Variants in LRMDA observed in about 807,000 individuals in gnomAD.
LRMDA encodes the protein leucine rich melanocyte differentiation associated.
A neutral mutation model predicts 29.8 loss-of-function variants in LRMDA; 18 were observed. The ratio of observed to expected loss-of-function variants is 0.60; its 90% CI spans 0.42 to 0.90. The LOEUF (loss-of-function observed/expected upper bound fraction) is 0.90, where lower values mean the gene tolerates loss of function less well. Among genes scored for constraint, LRMDA ranks in the 40% least tolerant of loss-of-function variants. LRMDA has a pLI of 0.00. For synonymous variants in LRMDA, 125 were observed against 109.4 expected (o/e 1.14, Z -0.89); for missense variants, 273 against 273.9 (o/e 1.00, Z 0.02).
intron 2 of LRMDA, among the ~76,000 whole-genome samples, chr10:76,035,354 T>C (rs1417277133): frequency 6.6e-6 from 1 of 152,000 alleles, no homozygotes; most frequent in Non-Finnish European, 1.5e-5. Context: ...GGAGTGATTA[T>C]GTAATTCTGC....
chr10:75,562,441 G>A (rs570198062), intron 2 of LRMDA, among the ~76,000 whole-genome samples: 9 of 152,106 alleles, frequency 5.9e-5, no homozygotes, highest in African/African-American at 2.2e-4. Flanking sequence ...ACGTGAGATG[G>A]GTTTCCTGAA....
chr10:75,928,534 A>G (rs1163747482), intron 2 of LRMDA, among the ~76,000 whole-genome samples: 1 of 152,238 alleles, frequency 6.6e-6, no homozygotes, highest in Non-Finnish European at 1.5e-5. Flanking sequence ...TATAAGGGCA[A>G]TGAAAGGGAG....
chr10:76,273,417 A>G (rs1474042491), intron 5 of LRMDA, among the ~76,000 whole-genome samples: 1 of 152,222 alleles, frequency 6.6e-6, no homozygotes, highest in Non-Finnish European at 1.5e-5. Flanking sequence ...TAGATGCTAA[A>G]GAATCATTGT....
intron 2 of LRMDA, among the ~76,000 whole-genome samples, chr10:75,848,782 G>A (rs1233911007): frequency 6.6e-6 from 1 of 152,262 alleles, no homozygotes; most frequent in South Asian, 2.1e-4. Context: ...AGCCACACCT[G>A]CATCACTCTT....
chr10:76,048,695 T>A (rs1382362090), intron 4 of LRMDA, among the ~76,000 whole-genome samples: 1 of 152,224 alleles, frequency 6.6e-6, no homozygotes, highest in Non-Finnish European at 1.5e-5. Context: ...GTGTTTCTGA[T>A]GTCCAGTTGG....
rs537640703 is a variant in LRMDA, at chr10:75,543,200, A to G, written c.131+104706A>G. On this transcript the variant is annotated intron_variant, in intron 2 of 6. Transcript: ENST00000611255. ...TTTGACGGATTGCTTTCCCGCAGTA[A>G]TGACTTAGGCATGTTCCCTCTCTCG... 2.1e-4 allele frequency among the ~76,000 whole-genome samples: 32 copies of G among 152,312 alleles called. 1 individual carries two copies. The highest frequency in any genetic ancestry group is 1.8e-3 in the Admixed American group (27 of 15,294).
chr10:76,426,866 T>C (rs1420270116), intron 6 of LRMDA, among the ~76,000 whole-genome samples: 2 of 152,220 alleles, frequency 1.3e-5, no homozygotes, highest in Non-Finnish European at 2.9e-5. Flanking sequence ...GGGAATCCTT[T>C]CCCCATTTCT....
chr10:75,544,669 G>A (rs373764756), intron 2 of LRMDA, among the ~76,000 whole-genome samples: 2 of 151,792 alleles, frequency 1.3e-5, no homozygotes, highest in East Asian at 3.9e-4. Context: ...CTTTTTTTGT[G>A]TGTGTTTAAA....
Position 75,866,299 on chromosome 10 carries a change from C to T in LRMDA, c.132-169709C>T, listed in dbSNP as rs536311682. ...AGAATTGTGGCACAGCAAGTGGGCT[C>T]ATCAAAGGTGTTTGTGGGAGATGGG... On this transcript the variant is annotated intron_variant, in intron 2 of 6. Coordinates refer to ENST00000611255, the MANE Select transcript of LRMDA (RefSeq NM_001305581.2). 3.9e-5 allele frequency among the ~76,000 whole-genome samples: 6 copies of T among 152,288 alleles called. No individual in the cohort carries two copies. In the East Asian group the frequency reaches 1.2e-3, roughly 29 times the overall value.
Position 76,100,209 on chromosome 10 carries a change from C to T in LRMDA, c.516+41426C>T, listed in dbSNP as rs1381286603. Among the ~76,000 whole-genome samples, 11 of 152,290 alleles carry T rather than the reference C, an allele frequency of 7.2e-5. No individual in the cohort carries two copies. In the East Asian group the frequency reaches 1.9e-3, roughly 27 times the overall value. Reference sequence around the variant, plus strand: ...TATTTCTGGTAATGGTGTTGCAGAACTTTGCTCCTTAGTTCAGCTAAAACC... The same window carrying T: ...TATTTCTGGTAATGGTGTTGCAGAATTTTGCTCCTTAGTTCAGCTAAAACC... On this transcript the variant is annotated intron_variant, in intron 5 of 6. Coordinates refer to ENST00000611255, the MANE Select transcript of LRMDA (RefSeq NM_001305581.2).
At chr10:75,881,694 G>T (rs564484942) in intron 2 of LRMDA, among the ~76,000 whole-genome samples, 1 of 152,314 alleles carries the variant, frequency 6.6e-6, no homozygotes, top group East Asian at 1.9e-4. Context: ...TGGCCAATGA[G>T]AAACCTCTAG....
At chr10:76,014,451 C>G (rs1847849886) in intron 2 of LRMDA, among the ~76,000 whole-genome samples, 1 of 152,118 alleles carries the variant, frequency 6.6e-6, no homozygotes, top group Middle Eastern at 3.4e-3. Context: ...CTTGCTCTCA[C>G]ATCCTCACTT....
intron 2 of LRMDA, among the ~76,000 whole-genome samples, chr10:75,639,819 G>A (rs1841429831): frequency 6.6e-6 from 1 of 152,148 alleles, no homozygotes; most frequent in Admixed American, 6.5e-5. Flanking sequence ...ATCTGATGTT[G>A]ATTGGCTTTG....
chr10:76,132,127 A>C (rs909463577), intron 5 of LRMDA, among the ~76,000 whole-genome samples: 3 of 152,138 alleles, frequency 2.0e-5, no homozygotes, highest in Non-Finnish European at 4.4e-5. Flanking sequence ...TTAGATTTGC[A>C]AACATAAAAA....
intron 2 of LRMDA, among the ~76,000 whole-genome samples, chr10:75,464,518 G>C (rs1844627641): frequency 6.6e-6 from 1 of 152,196 alleles, no homozygotes; most frequent in South Asian, 2.1e-4. Context: ...GCCAAGAGGA[G>C]CAATAAGGCT....
intron 6 of LRMDA, among the ~76,000 whole-genome samples, chr10:76,538,164 C>T (rs891185876): frequency 1.3e-5 from 2 of 151,720 alleles, no homozygotes; most frequent in African/African-American, 4.8e-5. Flanking sequence ...CCATCCTTTC[C>T]AATTTATTTT....
At chr10:76,126,386 T>C (rs55779346) in intron 5 of LRMDA, among the ~76,000 whole-genome samples, 1 of 152,184 alleles carries the variant, frequency 6.6e-6, no homozygotes, top group Non-Finnish European at 1.5e-5. Context: ...GTTCTGTTTG[T>C]TTTTTCATGA....
chr10:76,415,025 C>T (rs1457286777), intron 6 of LRMDA, among the ~76,000 whole-genome samples: 20 of 152,374 alleles, frequency 1.3e-4, no homozygotes, highest in Admixed American at 1.2e-3. Flanking sequence ...TGGCATCCGC[C>T]ACAACTCTTT....
rs775650586 is a variant in LRMDA at position 75,475,662 on chromosome 10, G to A, written c.131+37168G>A. Among the ~76,000 whole-genome samples the A allele has an allele frequency of 5.9e-5, 9 of 152,220 alleles. No individual in the cohort carries two copies. In the East Asian group the frequency reaches 9.6e-4, roughly 16 times the overall value. On this transcript the variant is annotated intron_variant, in intron 2 of 6. Coordinates refer to ENST00000611255, the MANE Select transcript of LRMDA (RefSeq NM_001305581.2). ...CTTTCTCCTATAATAGAATCCTCTC[G>A]TGTTATTTAAATCCCAGGGTTTTAC...
Sources: allele counts gnomAD v4.1 joint callset (sites outside exome capture counted in the v4.1 genomes callset), GRCh38; gene constraint gnomAD v4.1.1; transcripts MANE v1.5; gene names NCBI Gene and HGNC (gene_info 2026-07-23, HGNC 2026-07-21).